Variants in DMD observed in about 807,000 individuals in gnomAD.
The protein encoded by DMD is dystrophin.
Under a neutral mutation model 330.1 loss-of-function variants are expected in DMD, and 63 were observed. That is an observed-to-expected ratio of 0.19 (90% CI 0.16 to 0.24). DMD has a LOEUF of 0.24. Among genes scored for constraint, DMD ranks in the 10% least tolerant of loss-of-function variants. The probability of loss-of-function intolerance (pLI) is 1.00; values close to 1 mark genes in which losing one functional copy is unlikely to be tolerated. For missense variants in DMD, 3,344 were observed against 2,684.1 expected (o/e 1.25, Z -5.43); for synonymous variants, 1,223 against 959.8 (o/e 1.27, Z -5.07).
At chrX:32,526,235 GATT>G (rs1261548193) in intron 17 of DMD, among the ~76,000 whole-genome samples, 3 of 111,718 alleles carry the variant, frequency 2.7e-5, no homozygotes, top group African/African-American at 9.8e-5. Flanking sequence ...TTCACAAAAT[GATT>G]ATTTCTATAA....
intron 62 of DMD, among the ~76,000 whole-genome samples, chrX:31,312,805 C>T (rs1208359224): frequency 2.7e-5 from 3 of 111,755 alleles, no homozygotes; most frequent in African/African-American, 9.8e-5. Flanking sequence ...ACGTCCTTTG[C>T]AGGGACATGA....
chrX:32,168,556 A>C (rs934309814), intron 44 of DMD, among the ~76,000 whole-genome samples: 9 of 107,259 alleles, frequency 8.4e-5, no homozygotes, highest in African/African-American at 2.8e-4. Flanking sequence ...AAAAAAAAAA[A>C]AAACCAACAA....
chrX:31,682,651 T>C (rs927894154), intron 52 of DMD, among the ~76,000 whole-genome samples: 1 of 112,415 alleles, frequency 8.9e-6, no homozygotes, highest in Non-Finnish European at 1.9e-5. Flanking sequence ...TTATGTACCA[T>C]GTGTATTTGA....
At chrX:33,226,905 C>T (rs1417810990) in intron 1 of DMD, among the ~76,000 whole-genome samples, 2 of 109,425 alleles carry the variant, frequency 1.8e-5, no homozygotes, top group African/African-American at 6.6e-5. Flanking sequence ...GATAAAACTA[C>T]ATTGTGAAGC....
chrX:32,255,538 G>T (rs1186555190), intron 43 of DMD, among the ~76,000 whole-genome samples: 1 of 111,028 alleles, frequency 9.0e-6, no homozygotes, highest in African/African-American at 3.3e-5. Flanking sequence ...GAATAAGTTT[G>T]CTAACTTCTG....
At chrX:31,242,467 C>G (rs1211988637) in intron 63 of DMD, among the ~76,000 whole-genome samples, 1 of 109,836 alleles carries the variant, frequency 9.1e-6, no homozygotes, top group Non-Finnish European at 1.9e-5. Flanking sequence ...CCAAACAACT[C>G]TCCCTAATTA....
chrX:31,435,980 A>G (rs1330172341), intron 60 of DMD, among the ~76,000 whole-genome samples: 1 of 111,811 alleles, frequency 8.9e-6, no homozygotes, highest in Non-Finnish European at 1.9e-5. Flanking sequence ...GTTGCAGAAT[A>G]AGGGAAAAGG....
intron 54 of DMD, among the ~76,000 whole-genome samples, chrX:31,629,597 G>A (rs182354329): frequency 1.1e-4 from 12 of 111,910 alleles, no homozygotes; most frequent in Non-Finnish European, 7.5e-5. Flanking sequence ...AAGGGCTAAC[G>A]TGGACTGCCG....
chrX:31,330,276 C>T (rs993371442), intron 61 of DMD, among the ~76,000 whole-genome samples: 2 of 109,264 alleles, frequency 1.8e-5, no homozygotes, highest in Admixed American at 9.8e-5. Context: ...CTGGCAAATG[C>T]CCCCAAATGG....
At chrX:32,083,269 A>C (rs1045577319) in intron 44 of DMD, among the ~76,000 whole-genome samples, 2 of 88,082 alleles carry the variant, frequency 2.3e-5, no homozygotes, top group Non-Finnish European at 4.3e-5. Context: ...CTGAATAAAA[A>C]ATCTTTTTTT....
chrX:31,142,606 T>C (rs57123875), intron 76 of DMD, among the ~76,000 whole-genome samples: 2,171 of 112,044 alleles, frequency 0.019, 47 homozygotes, highest in African/African-American at 0.063. Flanking sequence ...ACATGATAAA[T>C]TTTTTAAAAA....
chrX:32,501,675 A>C, intron 19 of DMD, 80 bp downstream of exon 19: 13 of 714,594 alleles, frequency 1.8e-5, no homozygotes, highest in Middle Eastern at 2.9e-4. Flanking sequence ...TGCTTGTCTG[A>C]TATAATTCAG....
chrX:32,763,150 T>C (rs1243313128), intron 7 of DMD, among the ~76,000 whole-genome samples: 1 of 111,834 alleles, frequency 8.9e-6, no homozygotes, highest in Non-Finnish European at 1.9e-5. Context: ...CAGAAATGAC[T>C]CTTGACATCT....
intron 43 of DMD, among the ~76,000 whole-genome samples, chrX:32,242,394 T>C (rs1370682396): frequency 8.9e-6 from 1 of 112,102 alleles, no homozygotes; most frequent in Non-Finnish European, 1.9e-5. Flanking sequence ...ACACTCATGT[T>C]GGAAATAAAG....
At chrX:33,272,731 T>G (rs1206249393) in intron 1 of DMD, among the ~76,000 whole-genome samples, 1 of 110,071 alleles carries the variant, frequency 9.1e-6, no homozygotes, top group Non-Finnish European at 1.9e-5. Flanking sequence ...GAGCTGTTTA[T>G]GATCTGGTTA....
Position 32,338,849 on chromosome X carries a change from G to C in DMD, c.5922+3251C>G, listed in dbSNP as rs189811102. On this transcript the variant is annotated intron_variant, in intron 41 of 78. Coordinates refer to ENST00000357033, the MANE Select transcript of DMD (RefSeq NM_004006.3). Reference sequence around the variant, plus strand: ...CCCTTTCTTGGCAGTCATCAGATTTGTGTGATATTTCCTGTGTTTATTCTG... The same window carrying C: ...CCCTTTCTTGGCAGTCATCAGATTTCTGTGATATTTCCTGTGTTTATTCTG... Among the ~76,000 whole-genome samples the C allele has an allele frequency of 5.4e-5, 6 of 111,471 alleles. No homozygotes were observed. In the East Asian group the frequency reaches 1.7e-3, roughly 31 times the overall value.
At chrX:32,960,445 G>C (rs1454566875) in intron 2 of DMD, 1 of 112,094 alleles carries the variant, frequency 8.9e-6, no homozygotes, top group Non-Finnish European at 1.9e-5. Flanking sequence ...AAAACTCAAA[G>C]CTGCCAAAAT....
chrX:31,348,068 T>C (rs1187787388), intron 61 of DMD: 4 of 121,271 alleles, frequency 3.3e-5, no homozygotes, highest in African/African-American at 1.3e-4. Context: ...TAATGAATTA[T>C]TTAAAGAATT....
rs189609404 is a variant in DMD at position 32,260,449 on chromosome X, C to T, written c.6290+27080G>A. Among the ~76,000 whole-genome samples the T allele has an allele frequency of 8.1e-5, 9 of 111,515 alleles. No homozygotes were observed. In the East Asian group the frequency reaches 2.0e-3, roughly 25 times the overall value. ...CTTTGGTGAATGGTACCCTGCTTTT[C>T]CTTGGATGAAATTACTCTTCCCTCA... On this transcript the variant is annotated intron_variant, in intron 43 of 78. Transcript: ENST00000357033.
Sources: allele counts gnomAD v4.1 joint callset (sites outside exome capture counted in the v4.1 genomes callset), GRCh38; gene constraint gnomAD v4.1.1; transcripts MANE v1.5; gene names NCBI Gene and HGNC (gene_info 2026-07-23, HGNC 2026-07-21).